Variants in CCNB3 observed in about 807,000 individuals in gnomAD.
CCNB3 encodes the protein G2/mitotic-specific cyclin-B3.
A neutral mutation model predicts 68.0 loss-of-function variants in CCNB3; 12 were observed. The ratio of observed to expected loss-of-function variants is 0.18; its 90% CI spans 0.11 to 0.29. The LOEUF is 0.29. Ranked by LOEUF, CCNB3 falls within the 10% of genes least tolerant of loss-of-function variation. The pLI is 1.00. For missense variants in CCNB3, 904 were observed against 993.1 expected (o/e 0.91, Z 1.21); for synonymous variants, 354 against 388.9 (o/e 0.91, Z 1.06).
chrX:50,305,545 A>C (rs1374380352), intron 5 of CCNB3, among the ~76,000 whole-genome samples: 3 of 110,298 alleles, frequency 2.7e-5, no homozygotes, highest in African/African-American at 9.9e-5. Flanking sequence ...TAGGAGATAT[A>C]CCTAATGTTA....
chrX:50,342,970 G>A (rs183518330), intron 9 of CCNB3, among the ~76,000 whole-genome samples: 365 of 111,781 alleles, frequency 3.3e-3, no homozygotes, highest in African/African-American at 0.012. Flanking sequence ...GCCTCCCAAA[G>A]CACTGGGATT....
intron 1 of CCNB3, among the ~76,000 whole-genome samples, chrX:50,225,914 T>G (rs1447869687): frequency 9.9e-6 from 1 of 101,178 alleles, no homozygotes; most frequent in Non-Finnish European, 2.0e-5. Flanking sequence ...TTAGATGATA[T>G]TTAAAGTCAT....
At chrX:50,346,880 T>C in intron 10 of CCNB3, 73 bp downstream of exon 10, 2 of 1,051,992 alleles carry the variant, frequency 1.9e-6, no homozygotes, top group East Asian at 6.6e-5. Context: ...GTAGCTGCCT[T>C]GAGTGGTAGG....
At chrX:50,227,187 AATAT>A (rs1935873167) in intron 1 of CCNB3, among the ~76,000 whole-genome samples, 1 of 82,977 alleles carries the variant, frequency 1.2e-5, no homozygotes, top group Middle Eastern at 0.018. Flanking sequence ...TATAAGTATA[AATAT>A]ATATAGAGAA....
chrX:50,228,716 A>G (rs1442825220), intron 1 of CCNB3, among the ~76,000 whole-genome samples: 1 of 66,879 alleles, frequency 1.5e-5, no homozygotes, highest in African/African-American at 5.7e-5. Flanking sequence ...GAATATATAT[A>G]AAGAATATAT....
At chrX:50,336,947 A>G (rs1557218936) in intron 8 of CCNB3, among the ~76,000 whole-genome samples, 1 of 111,717 alleles carries the variant, frequency 9.0e-6, no homozygotes, top group East Asian at 2.8e-4. Context: ...ATGAGTCTGT[A>G]TAATAGTTTG....
At chrX:50,313,559 A>T (rs886369317) in intron 7 of CCNB3, among the ~76,000 whole-genome samples, 10 of 112,190 alleles carry the variant, frequency 8.9e-5, no homozygotes, top group African/African-American at 3.2e-4. Context: ...ATTGTGCTTT[A>T]GATTGAATTG....
intron 7 of CCNB3, among the ~76,000 whole-genome samples, chrX:50,313,013 A>C (rs1380516704): frequency 9.0e-6 from 1 of 111,101 alleles, no homozygotes; most frequent in Non-Finnish European, 1.9e-5. Flanking sequence ...GTAGTCTCTG[A>C]GTGGCTGTTC....
At chrX:50,340,662 T>C (rs782003341) in intron 8 of CCNB3, among the ~76,000 whole-genome samples, 2 of 112,098 alleles carry the variant, frequency 1.8e-5, no homozygotes, top group Admixed American at 9.5e-5. Context: ...TATTATCTAC[T>C]TGATAAGATG....
At chrX:50,287,435 C>T (rs1190971160) in intron 3 of CCNB3, among the ~76,000 whole-genome samples, 2 of 111,902 alleles carry the variant, frequency 1.8e-5, no homozygotes, top group African/African-American at 6.5e-5. Flanking sequence ...GTGAGGTTTA[C>T]AATCATATCA....
chrX:50,283,331 A>G (rs1373237602), intron 1 of CCNB3, among the ~76,000 whole-genome samples: 5 of 111,333 alleles, frequency 4.5e-5, no homozygotes, highest in African/African-American at 1.6e-4. Context: ...CTGCCTGGGA[A>G]AAAGCTGGGC....
chrX:50,324,467 A>C (rs1166424462), intron 8 of CCNB3, among the ~76,000 whole-genome samples: 1 of 112,095 alleles, frequency 8.9e-6, no homozygotes, highest in African/African-American at 3.2e-5. Flanking sequence ...TCATTGCGTG[A>C]TGTGTTATCT....
intron 1 of CCNB3, among the ~76,000 whole-genome samples, chrX:50,213,346 T>G (rs1359067698): frequency 8.0e-5 from 9 of 112,364 alleles, no homozygotes; most frequent in African/African-American, 2.6e-4. Context: ...ATCCCTGGGA[T>G]AAATCCCACT....
intron 1 of CCNB3, among the ~76,000 whole-genome samples, chrX:50,226,260 A>C (rs1173596277): frequency 3.0e-4 from 20 of 65,594 alleles, no homozygotes; most frequent in South Asian, 9.0e-4. Flanking sequence ...ATATATATTT[A>C]TATATATAGA....
rs781981764 is a variant in CCNB3, at chrX:50,317,005, T to A, written c.3516+3057T>A. Among the ~76,000 whole-genome samples, 10 of 112,591 alleles carry A rather than the reference T, an allele frequency of 8.9e-5. No individual in the cohort carries two copies. The South Asian group carries it at 3.7e-3, about 42-fold the overall frequency. The stretch of plus-strand genomic sequence containing the variant: ...TATGGTAAGTGTATGTTTAACTTAA[T>A]TAGAAATTGCCACAGAGTGGCTGTA... On this transcript the variant is annotated intron_variant, in intron 8 of 12. Coordinates refer to ENST00000376042, the MANE Select transcript of CCNB3 (RefSeq NM_033031.3).
chrX:50,324,905 A>C (rs1181421629), intron 8 of CCNB3, among the ~76,000 whole-genome samples: 1 of 111,457 alleles, frequency 9.0e-6, no homozygotes, highest in Non-Finnish European at 1.9e-5. Context: ...CATTTTAAAA[A>C]TATTTCCTTT....
At chrX:50,328,615 A>G (rs1299521654) in intron 8 of CCNB3, among the ~76,000 whole-genome samples, 2 of 111,076 alleles carry the variant, frequency 1.8e-5, no homozygotes, top group Non-Finnish European at 3.8e-5. Context: ...CAACATCCAA[A>G]CTATATCATT....
At chrX:50,319,376 T>C (rs782485955) in intron 8 of CCNB3, among the ~76,000 whole-genome samples, 25 of 112,040 alleles carry the variant, frequency 2.2e-4, no homozygotes, top group Middle Eastern at 4.6e-3. Context: ...TTTTCTTCTC[T>C]TGAAGCTATT....
intron 4 of CCNB3, among the ~76,000 whole-genome samples, chrX:50,292,108 G>A (rs1936359196): frequency 9.0e-6 from 1 of 110,987 alleles, no homozygotes; most frequent in Non-Finnish European, 1.9e-5. Context: ...CTAAGAATAG[G>A]GAAGTTGTCT....
Sources: gnomAD v4.1 joint callset for allele counts (sites outside exome capture counted in the v4.1 genomes callset) on GRCh38, gnomAD v4.1.1 for gene constraint, MANE v1.5 for transcripts, NCBI Gene and HGNC (gene_info 2026-07-23, HGNC 2026-07-21) for gene names.